The following AGPS variants were observed in gnomAD, a reference collection of about 807,000 sequenced individuals.
AGPS encodes the protein alkylglycerone phosphate synthase.
A neutral mutation model predicts 90.7 loss-of-function variants in AGPS; 26 were observed. The observed-to-expected ratio is 0.29, with a 90% CI of 0.21 to 0.40. AGPS has a LOEUF of 0.40. AGPS is among the 10% of genes least tolerant of loss of function. The pLI, the probability that AGPS is intolerant of heterozygous loss-of-function variation, is 1.00. For synonymous variants in AGPS, 294 were observed against 285.3 expected, an observed-to-expected ratio of 1.03 and a Z score of -0.31; for missense variants, 540 against 816.1, an observed-to-expected ratio of 0.66 and a Z score of 4.12.
intron 1 of AGPS, among the ~76,000 whole-genome samples, chr2:177,398,769 G>T (rs1685253916): frequency 6.6e-6 from 1 of 152,160 alleles, no homozygotes; most frequent in Non-Finnish European, 1.5e-5. Context: ...GTAATGGGTG[G>T]TTTAAAAAGG....
At chr2:177,464,349 A>G (rs1290757898) in intron 9 of AGPS, among the ~76,000 whole-genome samples, 1 of 152,230 alleles carries the variant, frequency 6.6e-6, no homozygotes, top group African/African-American at 2.4e-5. Flanking sequence ...TAAAGTTGAT[A>G]TTCTTTTAAT....
intron 1 of AGPS, among the ~76,000 whole-genome samples, chr2:177,402,869 T>C (rs571893408): frequency 8.5e-5 from 13 of 152,176 alleles, no homozygotes; most frequent in Non-Finnish European, 1.8e-4. Context: ...CCGGCCTGAC[T>C]AACATGGTGA....
chr2:177,454,762 A>G (rs146920497), intron 8 of AGPS, among the ~76,000 whole-genome samples: 26 of 151,966 alleles, frequency 1.7e-4, no homozygotes, highest in Non-Finnish European at 2.9e-4. Context: ...TGCTTTTATG[A>G]TCTTTTGCTT....
chr2:177,482,555 A>G (rs1449817313), intron 11 of AGPS, among the ~76,000 whole-genome samples: 1 of 152,024 alleles, frequency 6.6e-6, no homozygotes, highest in African/African-American at 2.4e-5. Flanking sequence ...AATTGAAGTG[A>G]TATTTAATTT....
chr2:177,473,776 C>T (rs1687695476), intron 10 of AGPS, among the ~76,000 whole-genome samples: 1 of 152,200 alleles, frequency 6.6e-6, no homozygotes, highest in Non-Finnish European at 1.5e-5. Flanking sequence ...TGTCAAACTG[C>T]ATTTGGGACC....
At chr2:177,405,659 T>G (rs375758927) in intron 1 of AGPS, among the ~76,000 whole-genome samples, 1 of 142,010 alleles carries the variant, frequency 7.0e-6, no homozygotes, top group South Asian at 2.3e-4. Context: ...TCCATGTTAT[T>G]GCACTATTCT....
chr2:177,416,968 A>G (rs1342758603), intron 1 of AGPS, among the ~76,000 whole-genome samples: 1 of 152,178 alleles, frequency 6.6e-6, no homozygotes, highest in African/African-American at 2.4e-5. Context: ...AAAGTTGATG[A>G]TTCTTTAATC....
In AGPS at chr2:177,453,035, A is replaced by G. The variant is rs146758659; in HGVS notation, c.870+7409A>G. 3.0e-3 allele frequency among the ~76,000 whole-genome samples: 451 copies of G among 151,602 alleles called. 4 individuals are homozygous for G. The highest frequency in any genetic ancestry group is 0.01 in the African/African-American group (426 of 41,338). On this transcript the variant is annotated intron_variant, in intron 8 of 19. Coordinates refer to ENST00000264167, the MANE Select transcript of AGPS (RefSeq NM_003659.4). ...TGCTTGAAGGACTTCTTTTAACATG[A>G]CTTTAGTGTGGGTCTGCTGTTGGCA...
chr2:177,445,793 AAGC>A (rs1686751302), intron 8 of AGPS, among the ~76,000 whole-genome samples, 167 bp downstream of exon 8: 1 of 152,194 alleles, frequency 6.6e-6, no homozygotes, highest in Non-Finnish European at 1.5e-5. Context: ...ATTATGGGTC[AAGC>A]ATTGAGCTAG....
At chr2:177,449,655 G>A (rs1686876857) in intron 8 of AGPS, among the ~76,000 whole-genome samples, 1 of 152,094 alleles carries the variant, frequency 6.6e-6, no homozygotes, top group Non-Finnish European at 1.5e-5. Context: ...CTGAACTCCT[G>A]GGCTCAAGTG....
At chr2:177,394,507 C>T (rs920550465) in intron 1 of AGPS, among the ~76,000 whole-genome samples, 8 of 152,072 alleles carry the variant, frequency 5.3e-5, no homozygotes, top group African/African-American at 1.7e-4. Context: ...TGACAGGGGA[C>T]GAAGACTGGA....
At chr2:177,417,932 G>A (rs1422228748) in intron 1 of AGPS, among the ~76,000 whole-genome samples, 1 of 152,128 alleles carries the variant, frequency 6.6e-6, no homozygotes, top group East Asian at 1.9e-4. Context: ...AAAACTAGAA[G>A]CCTGGGAAAT....
chr2:177,503,571 C>T (rs1227829751), intron 14 of AGPS, among the ~76,000 whole-genome samples: 1 of 152,100 alleles, frequency 6.6e-6, no homozygotes, highest in Non-Finnish European at 1.5e-5. Flanking sequence ...ATCGATGTTG[C>T]TACTTTAACA....
chr2:177,452,417 G>A (rs545928923), intron 8 of AGPS, among the ~76,000 whole-genome samples: 11 of 152,192 alleles, frequency 7.2e-5, no homozygotes, highest in South Asian at 2.1e-4. Context: ...CCCTTTTGTC[G>A]TTATGAAATG....
intron 1 of AGPS, among the ~76,000 whole-genome samples, chr2:177,411,483 T>G (rs928198857): frequency 2.0e-5 from 3 of 152,230 alleles, no homozygotes; most frequent in Admixed American, 2.0e-4. Flanking sequence ...GGGTCTACAC[T>G]GGGAACTGCC....
At chr2:177,514,049 C>A in intron 17 of AGPS, 141 bp downstream of exon 17, 1 of 675,646 alleles carries the variant, frequency 1.5e-6, no homozygotes, top group Non-Finnish European at 2.6e-6. Flanking sequence ...CACTTACCAC[C>A]TTGTTAGGAT....
chr2:177,527,562 AT>A (rs2079099873), intron 19 of AGPS, among the ~76,000 whole-genome samples: 1 of 152,070 alleles, frequency 6.6e-6, no homozygotes, highest in Non-Finnish European at 1.5e-5. Context: ...GTTCTTTCCC[AT>A]AAGTCAATTT....
chr2:177,437,976 T>C (rs1006389577), intron 5 of AGPS, among the ~76,000 whole-genome samples: 2 of 152,214 alleles, frequency 1.3e-5, no homozygotes, highest in Non-Finnish European at 2.9e-5. Context: ...ATGAAATGTC[T>C]TTCATCTCTA....
chr2:177,469,810 A>AT (rs904224730), intron 10 of AGPS, among the ~76,000 whole-genome samples: 10 of 151,578 alleles, frequency 6.6e-5, no homozygotes, highest in South Asian at 2.1e-4. Context: ...AATATAAATA[A>AT]TTTTTTTTTC....
Sources: gnomAD v4.1 joint callset for allele counts (sites outside exome capture counted in the v4.1 genomes callset) on GRCh38, gnomAD v4.1.1 for gene constraint, MANE v1.5 for transcripts, NCBI Gene and HGNC (gene_info 2026-07-23, HGNC 2026-07-21) for gene names.